Variants in UPK1B observed in about 807,000 individuals in gnomAD.
The protein encoded by UPK1B is uroplakin 1B, also known as uroplakin-1b.
UPK1B carries 28 observed loss-of-function variants against 34.2 expected under a neutral mutation model. The ratio of observed to expected loss-of-function variants is 0.82; its 90% CI spans 0.61 to 1.12. The LOEUF (loss-of-function observed/expected upper bound fraction) is 1.12. Ranked by LOEUF, UPK1B falls within the 50% of genes most tolerant of loss-of-function variation. UPK1B has a pLI of 0.00. For synonymous variants in UPK1B, 81 were observed against 110.4 expected, an observed-to-expected ratio of 0.73 and a Z score of 1.67; for missense variants, 325 against 320.9, an observed-to-expected ratio of 1.01 and a Z score of -0.10.
In UPK1B at chr3:119,183,189, C is replaced by T. The variant is rs2077996989; in HGVS notation, c.-28-3525C>T. On this transcript the variant is annotated intron_variant, in intron 1 of 7. Coordinates refer to ENST00000264234, the MANE Select transcript of UPK1B (RefSeq NM_006952.4). ...AGCAAATGATCTGGCGCCAGGCAGA[C>T]CTGTGTTTCAGTCTCAGCTTCTGCA... is the stretch of plus-strand genomic sequence containing the variant. 2.0e-5 allele frequency among the ~76,000 whole-genome samples: 3 copies of T among 152,112 alleles called. No individual in the cohort carries two copies. In the South Asian group the frequency reaches 6.2e-4, roughly 32 times the overall value.
At chr3:119,197,917 T>C (rs1308949569) in intron 6 of UPK1B, among the ~76,000 whole-genome samples, 4 of 152,040 alleles carry the variant, frequency 2.6e-5, no homozygotes, top group Non-Finnish European at 4.4e-5. Context: ...CACCGGAAGA[T>C]TGGGGAGGAA....
At chr3:119,183,509 AC>A (rs900948876) in intron 1 of UPK1B, among the ~76,000 whole-genome samples, 2 of 151,752 alleles carry the variant, frequency 1.3e-5, no homozygotes, top group African/African-American at 2.4e-5. Context: ...TGATCTGCCC[AC>A]CTCAGCCTCC....
intron 1 of UPK1B, among the ~76,000 whole-genome samples, chr3:119,179,689 G>C (rs1415561532): frequency 7.2e-6 from 1 of 138,170 alleles, no homozygotes. Context: ...TTGTATTTTT[G>C]GTAGAGTCGG....
intron 1 of UPK1B, among the ~76,000 whole-genome samples, chr3:119,178,322 G>C (rs1050546973): frequency 2.0e-5 from 3 of 152,200 alleles, no homozygotes; most frequent in African/African-American, 4.8e-5. Flanking sequence ...AACAGAGAGT[G>C]GGGGGACAAG....
intron 6 of UPK1B, among the ~76,000 whole-genome samples, chr3:119,196,227 C>A (rs902489288): frequency 2.0e-5 from 3 of 152,122 alleles, no homozygotes; most frequent in African/African-American, 7.2e-5. Flanking sequence ...CCCAGCCTCC[C>A]AGATTCCCAC....
At chr3:119,201,530 C>T (rs557577496) in intron 7 of UPK1B, among the ~76,000 whole-genome samples, 210 of 152,228 alleles carry the variant, frequency 1.4e-3, no homozygotes, top group Admixed American at 4.4e-3. Context: ...AAAACCCGGT[C>T]GCATGATTCA....
At chr3:119,200,514 T>C (rs1433537013) in intron 7 of UPK1B, among the ~76,000 whole-genome samples, 1 of 152,260 alleles carries the variant, frequency 6.6e-6, no homozygotes, top group African/African-American at 2.4e-5. Flanking sequence ...AGATTGCTTA[T>C]TTGGAAAAAA....
chr3:119,178,286 A>G (rs1211948385), intron 1 of UPK1B, among the ~76,000 whole-genome samples: 1 of 152,220 alleles, frequency 6.6e-6, no homozygotes, highest in Non-Finnish European at 1.5e-5. Flanking sequence ...ACAGGAGCAA[A>G]TCTGGATTCA....
intron 5 of UPK1B, among the ~76,000 whole-genome samples, chr3:119,191,373 T>C (rs370281649): frequency 6.6e-6 from 1 of 152,168 alleles, no homozygotes; most frequent in South Asian, 2.1e-4. Flanking sequence ...GGGTACCTCT[T>C]CACAACTCCT....
At chr3:119,187,660 T>A (rs2078025108) in intron 2 of UPK1B, 115 bp from the exon 3 acceptor site, 1 of 1,078,078 alleles carries the variant, frequency 9.3e-7, no homozygotes, top group African/African-American at 1.5e-5. Flanking sequence ...GGAGTTTAGA[T>A]TAGTTGCATA....
chr3:119,187,456 G>A (rs1323220733), intron 2 of UPK1B, among the ~76,000 whole-genome samples: 1 of 152,214 alleles, frequency 6.6e-6, no homozygotes, highest in African/African-American at 2.4e-5. Flanking sequence ...ACCCAGAAAT[G>A]TGGGTCATGA....
At chr3:119,198,333 G>C (rs2078075739) in intron 6 of UPK1B, among the ~76,000 whole-genome samples, 2 of 152,170 alleles carry the variant, frequency 1.3e-5, no homozygotes, top group South Asian at 2.1e-4. Flanking sequence ...TTGGTTCCCA[G>C]AGCTTTGGTA....
At chr3:119,184,063 T>C (rs531962332) in intron 1 of UPK1B, among the ~76,000 whole-genome samples, 1 of 152,342 alleles carries the variant, frequency 6.6e-6, no homozygotes, top group East Asian at 1.9e-4. Context: ...GTCATGTCCT[T>C]GCCTAGGTTT....
intron 7 of UPK1B, among the ~76,000 whole-genome samples, chr3:119,200,766 T>C (rs538613932): frequency 6.6e-6 from 1 of 152,370 alleles, no homozygotes; most frequent in African/African-American, 2.4e-5. Context: ...ACTCACTTTG[T>C]AAATTTTCAA....
chr3:119,193,002 C>T (rs1406455137), intron 5 of UPK1B, among the ~76,000 whole-genome samples: 1 of 88,416 alleles, frequency 1.1e-5, no homozygotes, highest in African/African-American at 4.7e-5. Flanking sequence ...CTCTGCCTCA[C>T]CACTCAACAA....
intron 1 of UPK1B, among the ~76,000 whole-genome samples, chr3:119,180,851 A>G (rs2077986898): frequency 6.6e-6 from 1 of 152,148 alleles, no homozygotes; most frequent in Non-Finnish European, 1.5e-5. Context: ...CTTTCCTCTA[A>G]GTGTGCCAGG....
rs1553743332 is a variant in UPK1B at position 119,203,355 on chromosome 3, A to AAAACAAAAACAAAAAC, written c.733-559_733-558insCAAAAACAAAAACAAA. Among the ~76,000 whole-genome samples the AAAACAAAAACAAAAAC allele has an allele frequency of 8.2e-4, 121 of 147,568 alleles. 3 individuals carry two copies. Among genetic ancestry groups the AAAACAAAAACAAAAAC allele is most frequent in the Non-Finnish European group, 1.8e-3 (120 of 66,826 alleles). ...AACTCCGTCTCAAAAAAAAAAAAAA[A>AAAACAAAAACAAAAAC]AAAAAAAAAAAAATCTGATATCTAA... On this transcript the variant is annotated intron_variant, in intron 7 of 7. Transcript: ENST00000264234.
At chr3:119,203,356 A>AAAACAAAAAC in intron 7 of UPK1B, among the ~76,000 whole-genome samples, 1 of 150,208 alleles carries the variant, frequency 6.7e-6, no homozygotes, top group South Asian at 2.2e-4. Flanking sequence ...AAAAAAAAAA[A>AAAACAAAAAC]AAAAAAAAAA....
Position 119,199,054 on chromosome 3 carries a change from C to G in UPK1B, c.649-3C>G. 4 of 1,614,124 alleles carry G rather than the reference C, an allele frequency of 2.5e-6. No homozygotes were observed. The highest frequency in any genetic ancestry group is 3.4e-6 in the Non-Finnish European group (4 of 1,179,966). On this transcript the variant is annotated splice_region_variant and splice_polypyrimidine_tract_variant and intron_variant, in intron 6 of 7. Coordinates refer to ENST00000264234, the MANE Select transcript of UPK1B (RefSeq NM_006952.4). ...ACTAATGTGGAATTGCCCACTCCTT[C>G]AGGGCTGCTATGAACTGATCTCTGG...
Sources: allele counts gnomAD v4.1 joint callset (sites outside exome capture counted in the v4.1 genomes callset), GRCh38; gene constraint gnomAD v4.1.1; transcripts MANE v1.5; gene names NCBI Gene and HGNC (gene_info 2026-07-23, HGNC 2026-07-21).